Variants in TENM3 observed in about 807,000 individuals in gnomAD.
TENM3 encodes teneurin transmembrane protein 3.
TENM3 carries 63 observed loss-of-function variants against 255.1 expected under a neutral mutation model. The observed-to-expected ratio is 0.25, with a 90% confidence interval of 0.20 to 0.30. The LOEUF is 0.30. Ranked by LOEUF, TENM3 falls within the 10% of genes least tolerant of loss-of-function variation. TENM3 has a pLI of 1.00. For synonymous variants in TENM3, 1,306 were observed against 1,322.3 expected (o/e 0.99, Z 0.27); for missense variants, 2,929 against 3,461.1 (o/e 0.85, Z 3.86).
the TENM3 span, among the ~76,000 whole-genome samples, chr4:181,737,683 A>G: frequency 6.6e-6 from 1 of 152,088 alleles, no homozygotes; most frequent in African/African-American, 2.4e-5. Flanking sequence ...TGGAAAACAG[A>G]TTCCTGAGGT....
At chr4:182,274,048 CAT>C (rs1459255249) in intron 1 of TENM3, among the ~76,000 whole-genome samples, 1 of 152,142 alleles carries the variant, frequency 6.6e-6, no homozygotes. Flanking sequence ...GTGAAAGAAA[CAT>C]ATAGGGACAG....
Position 182,794,539 on chromosome 4 carries a change from T to A in TENM3, c.7213+654T>A, listed in dbSNP as rs142298672. On this transcript the variant is annotated intron_variant, in intron 26 of 27. Coordinates refer to ENST00000511685, the MANE Select transcript of TENM3 (RefSeq NM_001080477.4). Reference sequence around the variant, plus strand: ...TCCCATCAGTTGCTTAGACAATGGATCCTGTGTCTGGACTCACTTCTGTCT... The same window carrying A: ...TCCCATCAGTTGCTTAGACAATGGAACCTGTGTCTGGACTCACTTCTGTCT... 1.9e-3 allele frequency among the ~76,000 whole-genome samples: 289 copies of A among 152,338 alleles called. 1 individual carries two copies. The highest frequency in any genetic ancestry group is 6.7e-3 in the African/African-American group (279 of 41,584).
chr4:182,509,387 C>T (rs1025499997), intron 3 of TENM3, among the ~76,000 whole-genome samples: 6 of 152,106 alleles, frequency 3.9e-5, no homozygotes, highest in African/African-American at 1.4e-4. Context: ...CCATATAATG[C>T]TTGCTTCGTT....
chr4:181,858,261 G>C, the TENM3 span, among the ~76,000 whole-genome samples: 15 of 152,118 alleles, frequency 9.9e-5, no homozygotes, highest in African/African-American at 3.6e-4. Context: ...TAGATTTATA[G>C]GTTTTGCAAA....
At chr4:182,480,232 C>G (rs2151507636) in intron 3 of TENM3, among the ~76,000 whole-genome samples, 1 of 152,004 alleles carries the variant, frequency 6.6e-6, no homozygotes, top group Non-Finnish European at 1.5e-5. Context: ...GAAATTGGCA[C>G]TAAAAATAAA....
At chr4:181,864,084 T>C in the TENM3 span, among the ~76,000 whole-genome samples, 5 of 152,128 alleles carry the variant, frequency 3.3e-5, no homozygotes, top group African/African-American at 1.2e-4. Flanking sequence ...AACGTCTTAG[T>C]GGAATCCTGG....
At chr4:181,647,428 A>G in the TENM3 span, among the ~76,000 whole-genome samples, 1 of 152,234 alleles carries the variant, frequency 6.6e-6, no homozygotes, top group Middle Eastern at 3.2e-3. Context: ...TGTATCTGCA[A>G]TATGTAGAGT....
At chr4:181,888,538 A>C in the TENM3 span, among the ~76,000 whole-genome samples, 22 of 74,166 alleles carry the variant, frequency 3.0e-4, 1 homozygote, top group African/African-American at 9.3e-4. Context: ...ATATATGTGT[A>C]TATATATATA....
In TENM3 at chr4:182,581,480, G is replaced by C. The variant is rs527597706; in HGVS notation, c.512-19444G>C. ...AGGCCGGGTGCAGTGACTCACGCCT[G>C]TAATCCCAGCACTTTGGGAGGCCGA... On this transcript the variant is annotated intron_variant, in intron 3 of 27. Coordinates refer to ENST00000511685, the MANE Select transcript of TENM3 (RefSeq NM_001080477.4). Among the ~76,000 whole-genome samples, 5 of 152,318 alleles carry C rather than the reference G, an allele frequency of 3.3e-5. No individual in the cohort carries two copies. The East Asian group carries it at 9.6e-4, about 29-fold the overall frequency.
intron 1 of TENM3, among the ~76,000 whole-genome samples, chr4:182,187,138 G>T (rs965082068): frequency 1.3e-5 from 2 of 151,784 alleles, no homozygotes. Context: ...ACTTTGCAAA[G>T]TACATAAGAA....
At chr4:181,697,671 C>T in the TENM3 span, among the ~76,000 whole-genome samples, 202 of 152,120 alleles carry the variant, frequency 1.3e-3, 1 homozygote, top group African/African-American at 4.5e-3. Flanking sequence ...GGATTACAGG[C>T]GTAAGCCACT....
chr4:182,064,185 TAA>T, the TENM3 span, among the ~76,000 whole-genome samples: 2 of 141,304 alleles, frequency 1.4e-5, no homozygotes, highest in Non-Finnish European at 3.1e-5. Flanking sequence ...TATTACCGAT[TAA>T]AAAAAAAAAA....
chr4:182,240,346 G>A (rs973138219), upstream of TENM3, among the ~76,000 whole-genome samples: 1 of 152,102 alleles, frequency 6.6e-6, no homozygotes. Flanking sequence ...ACGTTCCTAC[G>A]AGAGACACAG....
chr4:181,688,246 C>G, the TENM3 span, among the ~76,000 whole-genome samples: 3 of 152,084 alleles, frequency 2.0e-5, no homozygotes, highest in Non-Finnish European at 2.9e-5. Context: ...TTCATTAACC[C>G]AAAATTGAGC....
the TENM3 span, chr4:181,975,135 CTTT>C: frequency 4.2e-5 from 5 of 119,314 alleles, no homozygotes; most frequent in Middle Eastern, 4.3e-3. Context: ...TGGAGTAGCT[CTTT>C]TTTTTTTTTT....
At chr4:182,644,402 A>C (rs2152498825) in intron 5 of TENM3, among the ~76,000 whole-genome samples, 1 of 152,256 alleles carries the variant, frequency 6.6e-6, no homozygotes, top group African/African-American at 2.4e-5. Context: ...AATTTTCTTT[A>C]ATTACACATT....
chr4:182,165,057 A>G (rs748507702), intron 1 of TENM3, among the ~76,000 whole-genome samples: 2 of 152,188 alleles, frequency 1.3e-5, no homozygotes, highest in Non-Finnish European at 2.9e-5. Context: ...CAGAATCTCT[A>G]GACATAGGAA....
intron 22 of TENM3, among the ~76,000 whole-genome samples, chr4:182,771,441 G>A (rs904890704): frequency 8.1e-5 from 12 of 148,848 alleles, no homozygotes; most frequent in South Asian, 2.2e-4. Context: ...AAGAGATAGC[G>A]TGAGAGCCAG....
the TENM3 span, among the ~76,000 whole-genome samples, chr4:181,641,805 CATATATATATATATATATATATATAT>C: frequency 3.2e-5 from 1 of 31,438 alleles, no homozygotes; most frequent in Non-Finnish European, 5.2e-5. Context: ...ACACACACAC[CATATATATATATATATATATATATAT>C]ATATATATAT....
Sources: gnomAD v4.1 joint callset for allele counts (sites outside exome capture counted in the v4.1 genomes callset) on GRCh38, gnomAD v4.1.1 for gene constraint, MANE v1.5 for transcripts, NCBI Gene and HGNC (gene_info 2026-07-23, HGNC 2026-07-21) for gene names.